SCUBE1: variants seen among roughly 807,000 people sequenced by gnomAD.
SCUBE1 encodes the protein signal peptide, CUB domain and EGF like domain containing 1, also known as signal peptide, CUB and EGF-like domain-containing protein 1.
In SCUBE1, 59 loss-of-function variants were observed where a neutral mutation model predicts 124.4. That is an observed-to-expected ratio of 0.47 (90% CI 0.38 to 0.59). The LOEUF (loss-of-function observed/expected upper bound fraction) is 0.59. Ranked by LOEUF, SCUBE1 falls within the 20% of genes least tolerant of loss-of-function variation. The pLI is 0.00. For missense variants in SCUBE1, 1,150 were observed against 1,371.2 expected, an observed-to-expected ratio of 0.84 and a Z score of 2.55; for synonymous variants, 545 against 550.9, an observed-to-expected ratio of 0.99 and a Z score of 0.15.
chr22:43,223,111 G>C lies in SCUBE1; in HGVS notation c.1313C>G (p.Thr438Arg), dbSNP rs143199330. ...ESCFLSCPAH[T>R]LFVPDSENSY... is the part of the protein sequence containing the mutation. ...GCCCGGGTTACCTGGCACGAAGAGT[G>C]TGTGAGCCGGGCAGGAAAGGAAGCA... is the stretch of plus-strand genomic sequence containing the variant. Residue 438 changes from threonine (T) to arginine (R), a missense_variant, in exon 11 of 22, where the codon ACA becomes AGA. Thr to Arg is a moderately conservative substitution (Grantham distance 71). This residue lies in a region of SCUBE1 where 757 missense variants were observed against 840.9 expected (regional missense o/e 0.90). Transcript: ENST00000360835. 5.5e-5 allele frequency: 86 copies of C among 1,550,574 alleles called. No homozygotes were observed. Among genetic ancestry groups the C allele is most frequent in the Non-Finnish European group, 7.4e-5 (85 of 1,155,510 alleles).
At position 43,255,865 on chromosome 22, in the gene SCUBE1, CAG is replaced by C. The variant is rs1457189566; in HGVS notation, c.727+2352_727+2353del. Reference sequence around the variant, plus strand: ...GACTCAGGGCCCATGGGCAAGCAAACAGAGAAGGAGGCTGAGGTCAGGGCAGA... The same window carrying C: ...GACTCAGGGCCCATGGGCAAGCAAACAGAAGGAGGCTGAGGTCAGGGCAGA... On this transcript the variant is annotated intron_variant, in intron 6 of 21. Transcript: ENST00000360835. The surrounding 1 kb of genome is among the most constrained non-coding windows in gnomAD (Gnocchi z 4.7). Among the ~76,000 whole-genome samples the C allele has an allele frequency of 1.3e-5, 2 of 152,054 alleles. No individual in the cohort carries two copies. The highest frequency in any genetic ancestry group is 4.8e-5 in the African/African-American group (2 of 41,340).
intron 4 of SCUBE1, among the ~76,000 whole-genome samples, chr22:43,281,485 TTTGGCCACCCTCCTGTCACCTCCTC>T (rs1924868104): frequency 1.4e-5 from 1 of 70,374 alleles, no homozygotes; most frequent in African/African-American, 1.6e-4. Flanking sequence ...CACCTCCCTC[TTTGGCCACCCTCCTGTCACCTCCTC>T]CTCAGCCACC....
intron 2 of SCUBE1, among the ~76,000 whole-genome samples, chr22:43,336,615 C>G (rs1927089806): frequency 6.6e-6 from 1 of 152,088 alleles, no homozygotes; most frequent in Admixed American, 6.5e-5. Context: ...ATGGTGGGCC[C>G]TCAATAAATG....
intron 2 of SCUBE1, among the ~76,000 whole-genome samples, chr22:43,334,331 G>C (rs1444072678): frequency 1.3e-5 from 2 of 152,162 alleles, no homozygotes; most frequent in African/African-American, 4.8e-5. Context: ...TGACACACCT[G>C]ACTGTTCACC....
At chr22:43,325,554 C>G (rs76858443) in intron 2 of SCUBE1, among the ~76,000 whole-genome samples, 4,259 of 151,414 alleles carry the variant, frequency 0.028, 83 homozygotes, top group Non-Finnish European at 0.039. Flanking sequence ...AAGATCTGTA[C>G]CTACCCTTGA....
chr22:43,205,746 T>C (rs1601790738), intron 21 of SCUBE1, among the ~76,000 whole-genome samples: 2 of 13,262 alleles, frequency 1.5e-4, no homozygotes, highest in Admixed American at 1.0e-3. Context: ...ACACGCCCAC[T>C]CACCACTCAC....
Position 43,238,815 on chromosome 22 carries a change from CCCACACAGCT to C in SCUBE1, c.844+13_844+22del. On this transcript the variant is annotated intron_variant, in intron 7 of 21. Transcript: ENST00000360835. ...GGCCAGGCCAGTACAGGCAGGGGCACCCACACAGCTCCACATGCTGACCTTTGCATGTCTT... is the reference window on the plus strand; with the variant it reads ...GGCCAGGCCAGTACAGGCAGGGGCACCCACATGCTGACCTTTGCATGTCTT... 1 of 1,589,478 alleles carries C rather than the reference CCCACACAGCT, an allele frequency of 6.3e-7. No individual in the cohort carries two copies.
chr22:43,220,300 G>A, intron 14 of SCUBE1, 150 bp downstream of exon 14: 1 of 879,076 alleles, frequency 1.1e-6, no homozygotes, highest in Non-Finnish European at 1.7e-6. Context: ...TTGTGGGCCT[G>A]CCTCTGTCTC....
At chr22:43,303,853 G>T (rs1925864836) in intron 3 of SCUBE1, among the ~76,000 whole-genome samples, 1 of 152,206 alleles carries the variant, frequency 6.6e-6, no homozygotes, top group African/African-American at 2.4e-5. Flanking sequence ...CCGTCTTTTT[G>T]CATGAGCTGA....
intron 15 of SCUBE1, among the ~76,000 whole-genome samples, chr22:43,215,821 G>A (rs1921784701): frequency 6.6e-6 from 1 of 152,112 alleles, no homozygotes; most frequent in Admixed American, 6.6e-5. Flanking sequence ...AAAACAAAAG[G>A]GACATTGTTG....
intron 21 of SCUBE1, among the ~76,000 whole-genome samples, chr22:43,207,098 C>T (rs532706771): frequency 5.3e-5 from 8 of 152,304 alleles, no homozygotes; most frequent in South Asian, 2.1e-4. Context: ...TGTGACACAC[C>T]AGGCGGCCCT....
At position 43,202,975 on chromosome 22, in the gene SCUBE1, C is replaced by T. The variant is rs1354448996; in HGVS notation, c.*1022G>A. On this transcript the variant is annotated 3_prime_UTR_variant, in exon 22 of 22. Transcript: ENST00000360835. Reference sequence around the variant, plus strand: ...CTGCCACAGGGCAAGAGCCAAGGCCCCTTTCGCCGTTTATTGCTGGGCCCC... The same window carrying T: ...CTGCCACAGGGCAAGAGCCAAGGCCTCTTTCGCCGTTTATTGCTGGGCCCC... 6.6e-6 allele frequency: 1 copy of T among 152,346 alleles called. No homozygotes were observed. Among genetic ancestry groups the T allele is most frequent in the Admixed American group, 6.5e-5 (1 of 15,286 alleles). The allele number at this position is 152,346 out of a possible 1,614,324, so 9.4% of individuals were successfully genotyped here. A position where few individuals can be genotyped will look rare whatever the true frequency, so the allele number is the denominator to read the frequency against.
intron 15 of SCUBE1, among the ~76,000 whole-genome samples, chr22:43,214,815 G>A (rs993621682): frequency 3.3e-5 from 5 of 152,224 alleles, no homozygotes; most frequent in Non-Finnish European, 5.9e-5. Flanking sequence ...CGACTGATGA[G>A]TAAGTAAGGA....
chr22:43,240,965 G>C (rs528521409), intron 6 of SCUBE1, among the ~76,000 whole-genome samples: 2 of 152,158 alleles, frequency 1.3e-5, no homozygotes, highest in African/African-American at 2.4e-5. Flanking sequence ...TGCAGAGGGT[G>C]GGGGAGACAG....
Position 43,255,087 on chromosome 22 carries a change from C to T in SCUBE1, c.727+3132G>A, listed in dbSNP as rs543839158. The stretch of plus-strand genomic sequence containing the variant: ...GTGGCTGAGTCTCAGTGCTGCTTTG[C>T]TGAGCCTGGGAATCCTAACTGTGAA... On this transcript the variant is annotated intron_variant, in intron 6 of 21. Transcript: ENST00000360835. The surrounding 1 kb of genome is among the most constrained non-coding windows in gnomAD (Gnocchi z 4.7). Among the ~76,000 whole-genome samples, 1 of 152,230 alleles carries T rather than the reference C, an allele frequency of 6.6e-6. No homozygotes were observed. Among genetic ancestry groups the T allele is most frequent in the African/African-American group, 2.4e-5 (1 of 41,458 alleles).
intron 3 of SCUBE1, among the ~76,000 whole-genome samples, chr22:43,294,294 C>T (rs1418780133): frequency 6.6e-6 from 1 of 152,226 alleles, no homozygotes; most frequent in African/African-American, 2.4e-5. Flanking sequence ...GCCTGAGGCC[C>T]CACACACGCC....
chr22:43,251,136 G>A (rs373235868), intron 6 of SCUBE1, among the ~76,000 whole-genome samples: 11 of 152,202 alleles, frequency 7.2e-5, no homozygotes, highest in African/African-American at 1.9e-4. Context: ...CGAGAGAGCC[G>A]GGGCAGAGGG....
chr22:43,320,701 T>C (rs1378696432), intron 2 of SCUBE1, among the ~76,000 whole-genome samples: 1 of 152,228 alleles, frequency 6.6e-6, no homozygotes, highest in Non-Finnish European at 1.5e-5. Flanking sequence ...GGCCATGTCA[T>C]TACCTCTTCA....
intron 8 of SCUBE1, among the ~76,000 whole-genome samples, chr22:43,231,254 C>G (rs1210791217): frequency 6.6e-6 from 1 of 152,232 alleles, no homozygotes; most frequent in Non-Finnish European, 1.5e-5. Flanking sequence ...CCTGACCCCG[C>G]TCTGCACTGC....
Sources: allele counts gnomAD v4.1 joint callset (sites outside exome capture counted in the v4.1 genomes callset), GRCh38; gene constraint gnomAD v4.1.1; regional missense constraint gnomAD v4.1.1; non-coding constraint Gnocchi (gnomAD v3.1); transcripts MANE v1.5; gene names NCBI Gene and HGNC (gene_info 2026-07-23, HGNC 2026-07-21).